The following ADAMTS17 variants were observed in gnomAD, a reference collection of about 807,000 sequenced individuals.
The protein encoded by ADAMTS17 is A disintegrin and metalloproteinase with thrombospondin motifs 17.
Under a neutral mutation model 141.5 loss-of-function variants are expected in ADAMTS17, and 113 were observed. The ratio of observed to expected loss-of-function variants is 0.80; its 90% CI spans 0.69 to 0.93. ADAMTS17 has a LOEUF of 0.93. ADAMTS17 is among the 40% of genes least tolerant of loss of function. ADAMTS17 has a pLI of 0.00. For synonymous variants in ADAMTS17, 768 were observed against 630.6 expected (o/e 1.22, Z -3.27); for missense variants, 1,659 against 1,517.9 (o/e 1.09, Z -1.54).
intron 15 of ADAMTS17, among the ~76,000 whole-genome samples, chr15:100,062,614 A>C (rs1448506521): frequency 6.6e-6 from 1 of 152,242 alleles, no homozygotes; most frequent in Non-Finnish European, 1.5e-5. Flanking sequence ...ATGTAGACAA[A>C]GATGTCATTT....
At chr15:100,069,289 G>C (rs181831079) in intron 15 of ADAMTS17, among the ~76,000 whole-genome samples, 105 of 152,308 alleles carry the variant, frequency 6.9e-4, no homozygotes, top group African/African-American at 2.2e-3. Flanking sequence ...AAAGTGACGG[G>C]GAGAATGGAG....
At chr15:100,207,584 G>A (rs1377030650) in intron 7 of ADAMTS17, among the ~76,000 whole-genome samples, 4 of 152,208 alleles carry the variant, frequency 2.6e-5, no homozygotes, top group African/African-American at 9.6e-5. Flanking sequence ...ACAAGGAACT[G>A]ATCTGGAAAG....
At chr15:100,337,317 C>A (rs773063241) in intron 2 of ADAMTS17, among the ~76,000 whole-genome samples, 1 of 152,252 alleles carries the variant, frequency 6.6e-6, no homozygotes, top group African/African-American at 2.4e-5. Flanking sequence ...CCAACATGGA[C>A]ACGTGGTCTG....
chr15:100,123,424 C>T (rs879809220), intron 12 of ADAMTS17, among the ~76,000 whole-genome samples: 1 of 152,202 alleles, frequency 6.6e-6, no homozygotes, highest in Admixed American at 6.5e-5. Context: ...GTCTTTCCCT[C>T]ACCCTCTCCT....
intron 3 of ADAMTS17, among the ~76,000 whole-genome samples, chr15:100,304,722 T>C (rs771618187): frequency 3.9e-5 from 6 of 152,202 alleles, no homozygotes; most frequent in Admixed American, 6.5e-5. Context: ...GCCGCCTTTG[T>C]GCATTTTGGT....
At chr15:100,002,231 T>A (rs1596199845) in intron 18 of ADAMTS17, among the ~76,000 whole-genome samples, 1 of 152,078 alleles carries the variant, frequency 6.6e-6, no homozygotes, top group African/African-American at 2.4e-5. Context: ...AATAAAGACG[T>A]CAGGCTTTAG....
At chr15:99,975,566 G>A (rs767196736) in intron 21 of ADAMTS17, among the ~76,000 whole-genome samples, 6 of 152,088 alleles carry the variant, frequency 3.9e-5, no homozygotes, top group Non-Finnish European at 5.9e-5. Context: ...GGCATGAACT[G>A]GTAAGAGGCC....
chr15:100,193,556 C>T (rs377153976), intron 8 of ADAMTS17, among the ~76,000 whole-genome samples: 160 of 152,306 alleles, frequency 1.1e-3, no homozygotes, highest in Non-Finnish European at 2.0e-3. Flanking sequence ...GCGTCTTCCG[C>T]GGTTCTCCAC....
In ADAMTS17 at chr15:100,116,363, C is replaced by T. The variant is rs187444068; in HGVS notation, c.1888+484G>A. 3.7e-3 allele frequency among the ~76,000 whole-genome samples: 571 copies of T among 152,310 alleles called. 7 individuals are homozygous for T. Among genetic ancestry groups the T allele is most frequent in the African/African-American group, 0.013 (540 of 41,564 alleles). The stretch of plus-strand genomic sequence containing the variant: ...GGACCTGTGCTTATTATCATCTTTC[C>T]TAAGTTGCAAACTATTCTCAAAATG... On this transcript the variant is annotated intron_variant, in intron 13 of 21. Transcript: ENST00000268070.
intron 7 of ADAMTS17, among the ~76,000 whole-genome samples, chr15:100,238,790 G>C (rs1044564538): frequency 6.6e-6 from 1 of 152,090 alleles, no homozygotes; most frequent in Non-Finnish European, 1.5e-5. Flanking sequence ...AAATGCTATC[G>C]AAAAGCGAGA....
intron 7 of ADAMTS17, among the ~76,000 whole-genome samples, chr15:100,225,931 G>C (rs970601576): frequency 6.6e-6 from 1 of 151,554 alleles, no homozygotes; most frequent in East Asian, 1.9e-4. Context: ...AGCAGTCACG[G>C]TCTCTGTGCC....
intron 3 of ADAMTS17, among the ~76,000 whole-genome samples, chr15:100,291,867 C>A (rs1342870613): frequency 2.0e-5 from 3 of 152,238 alleles, no homozygotes; most frequent in African/African-American, 7.2e-5. Context: ...ATAATATGTA[C>A]ACCAAACCCC....
rs773283711 is a variant in ADAMTS17, at chr15:100,152,650, G to A, written c.1435C>T (p.Leu479=). 3 of 1,614,160 alleles carry A rather than the reference G, an allele frequency of 1.9e-6. No homozygotes were observed. The highest frequency in any genetic ancestry group is 1.1e-5 in the South Asian group (1 of 91,076). ...HYSANEQCQI[L]FGMNATFCRN... ...CAGAAGGTGGCATTCATGCCAAACAGGATCTGGCACTGCTCGTTGGCACTG... is the reference window on the plus strand; with the variant it reads ...CAGAAGGTGGCATTCATGCCAAACAAGATCTGGCACTGCTCGTTGGCACTG... The change falls in exon 10 of 22, where the codon CTG becomes TTG. Residue 479 remains leucine, a synonymous_variant. Coordinates refer to ENST00000268070, the MANE Select transcript of ADAMTS17 (RefSeq NM_139057.4).
chr15:100,328,997 T>G (rs778406962), intron 3 of ADAMTS17, among the ~76,000 whole-genome samples: 2 of 152,154 alleles, frequency 1.3e-5, no homozygotes, highest in African/African-American at 2.4e-5. Context: ...TCCTTAGCGA[T>G]GTGGTTTTCA....
At chr15:99,999,053 G>T (rs1529889) in intron 18 of ADAMTS17, among the ~76,000 whole-genome samples, 1 of 151,930 alleles carries the variant, frequency 6.6e-6, no homozygotes, top group Admixed American at 6.5e-5. Flanking sequence ...GGTACTGGAC[G>T]GTGCCAGCTG....
chr15:100,299,142 A>G (rs1426693596), intron 3 of ADAMTS17, among the ~76,000 whole-genome samples: 2 of 152,200 alleles, frequency 1.3e-5, no homozygotes, highest in Non-Finnish European at 2.9e-5. Context: ...CTGCAAAAAC[A>G]GTCACATTCT....
chr15:100,308,550 A>G (rs1372361161), intron 3 of ADAMTS17, among the ~76,000 whole-genome samples: 1 of 152,184 alleles, frequency 6.6e-6, no homozygotes, highest in Admixed American at 6.5e-5. Flanking sequence ...CTTTTTAGGT[A>G]GTTACTGATG....
chr15:100,115,861 G>A (rs950511084), intron 13 of ADAMTS17, among the ~76,000 whole-genome samples: 8 of 152,274 alleles, frequency 5.3e-5, no homozygotes, highest in African/African-American at 1.9e-4. Flanking sequence ...TTCTTCAAGT[G>A]TTGGCAGCCA....
intron 4 of ADAMTS17, among the ~76,000 whole-genome samples, chr15:100,267,675 C>G (rs1016189374): frequency 1.3e-5 from 2 of 148,820 alleles, no homozygotes; most frequent in African/African-American, 2.5e-5. Flanking sequence ...CCTTGCCCCC[C>G]TCCCTGTCTC....
Sources: allele counts gnomAD v4.1 joint callset (sites outside exome capture counted in the v4.1 genomes callset), GRCh38; gene constraint gnomAD v4.1.1; transcripts MANE v1.5; gene names NCBI Gene and HGNC (gene_info 2026-07-23, HGNC 2026-07-21).